The following NPEPL1 variants were observed in gnomAD, a reference collection of about 807,000 sequenced individuals.
NPEPL1 encodes the protein probable aminopeptidase NPEPL1.
A neutral mutation model predicts 52.4 loss-of-function variants in NPEPL1; 45 were observed. The observed-to-expected ratio is 0.86, with a 90% CI of 0.68 to 1.10. The LOEUF (loss-of-function observed/expected upper bound fraction) is 1.10, where lower values mean the gene tolerates loss of function less well. Ranked by LOEUF, NPEPL1 falls within the 50% of genes least tolerant of loss-of-function variation. NPEPL1 has a pLI of 0.00. For synonymous variants in NPEPL1, 360 were observed against 314.7 expected, an observed-to-expected ratio of 1.14 and a Z score of -1.52; for missense variants, 696 against 710.9, an observed-to-expected ratio of 0.98 and a Z score of 0.24.
At chr20:58,701,372 T>TGG (rs1168241468) in intron 6 of NPEPL1, among the ~76,000 whole-genome samples, 9 of 10,892 alleles carry the variant, frequency 8.3e-4, no homozygotes, top group South Asian at 3.4e-3. Flanking sequence ...CAGGGTGCCC[T>TGG]GGGGGGGGGG....
intron 1 of NPEPL1, 135 bp downstream of exon 1, chr20:58,693,185 A>C: frequency 1.7e-6 from 1 of 585,590 alleles, no homozygotes; most frequent in Non-Finnish European, 2.2e-6. Flanking sequence ...CGCCTCCCTG[A>C]AGGGCTCAGC....
chr20:58,715,560 C>A lies in NPEPL1; in HGVS notation c.*234C>A. The A allele has an allele frequency of 2.2e-6, 1 of 457,666 alleles. No individual in the cohort carries two copies. The highest frequency in any genetic ancestry group is 4.3e-5 in the East Asian group (1 of 23,184). The allele number at this position is 457,666 out of a possible 1,614,324, so 28.4% of individuals were successfully genotyped here. A position where few individuals can be genotyped will look rare whatever the true frequency, so the allele number is the denominator to read the frequency against. The stretch of plus-strand genomic sequence containing the variant: ...CTGTTTGTTACTTACAGGACTGAGA[C>A]ATCTTCTGTAAACTGCTACCCCTGG... On this transcript the variant is annotated 3_prime_UTR_variant, in exon 12 of 12. Transcript: ENST00000356091.
chr20:58,703,901 C>T, intron 6 of NPEPL1: 1 of 985,346 alleles, frequency 1.0e-6, no homozygotes, highest in Non-Finnish European at 1.2e-6. Context: ...CTGCCTATTC[C>T]CGGGGTCCAC....
intron 3 of NPEPL1, among the ~76,000 whole-genome samples, chr20:58,698,074 A>C (rs548577966): frequency 6.6e-6 from 1 of 152,330 alleles, no homozygotes; most frequent in African/African-American, 2.4e-5. Flanking sequence ...TCTGTCTTGC[A>C]GGGTTTATGA....
At chr20:58,691,950 C>T (rs2084357668), upstream of NPEPL1, 2 of 728,506 alleles carry the variant, frequency 2.7e-6, no homozygotes, top group Middle Eastern at 3.1e-4. Context: ...CCACTCAAGG[C>T]TCACCCCTGG....
At chr20:58,710,032 C>CTTTTTTT (rs59087368) in intron 7 of NPEPL1, among the ~76,000 whole-genome samples, 2 of 109,440 alleles carry the variant, frequency 1.8e-5, no homozygotes, top group African/African-American at 4.3e-5. Context: ...TTGTTTGTGG[C>CTTTTTTT]TTTTTTTTTT....
intron 6 of NPEPL1, among the ~76,000 whole-genome samples, chr20:58,704,730 T>C (rs2123122326): frequency 6.6e-6 from 1 of 152,378 alleles, no homozygotes; most frequent in South Asian, 2.1e-4. Flanking sequence ...TCACGCATTT[T>C]ATAGTTGAAA....
upstream of NPEPL1, among the ~76,000 whole-genome samples, chr20:58,690,046 T>C (rs2084321611): frequency 6.6e-6 from 1 of 152,258 alleles, no homozygotes; most frequent in Non-Finnish European, 1.5e-5. Context: ...TTAGGTTTTA[T>C]AGGGGTGAAG....
At chr20:58,695,299 AGTGCTAGT>A (rs2084461771) in intron 3 of NPEPL1, among the ~76,000 whole-genome samples, 2 of 146,984 alleles carry the variant, frequency 1.4e-5, no homozygotes, top group Non-Finnish European at 3.0e-5. Flanking sequence ...TGTGTGTATG[AGTGCTAGT>A]GTGTGCATGA....
At chr20:58,704,357 C>T (rs6100173) in intron 6 of NPEPL1, 2 of 985,244 alleles carry the variant, frequency 2.0e-6, no homozygotes, top group African/African-American at 1.7e-5. Context: ...ACTAGCAGGC[C>T]TCAAATGCAT....
At chr20:58,691,709 T>TAA, upstream of NPEPL1, 1 of 710,818 alleles carries the variant, frequency 1.4e-6, no homozygotes, top group Non-Finnish European at 2.2e-6. Flanking sequence ...TTTTTTTTTT[T>TAA]TTTTTCATTT....
Position 58,714,566 on chromosome 20 carries a change from GACA to G in NPEPL1, c.1313_1315del (p.Asn438del), listed in dbSNP as rs1292847021. 2 of 1,582,044 alleles carry G rather than the reference GACA, an allele frequency of 1.3e-6. No homozygotes were observed. Among genetic ancestry groups the G allele is most frequent in the East Asian group, 4.6e-5 (2 of 43,426 alleles). On this transcript the variant is annotated inframe_deletion, in exon 11 of 12. Coordinates refer to ENST00000356091, the MANE Select transcript of NPEPL1 (RefSeq NM_024663.4). ...GTCCTCCTGGCCTCCCTAGGACCGA[GACA>G]ACAGCCCCAGCTCCTGTGCTGGCCT...
chr20:58,694,680 G>C, intron 3 of NPEPL1, 88 bp downstream of exon 3: 1 of 1,368,096 alleles, frequency 7.3e-7, no homozygotes, highest in Non-Finnish European at 9.8e-7. Context: ...AAAGCTTGTT[G>C]CGGGGGCAGG....
chr20:58,714,456 AC>A (rs2084916194), intron 10 of NPEPL1, 103 bp from the exon 11 acceptor site: 1 of 811,890 alleles, frequency 1.2e-6, no homozygotes, highest in Admixed American at 2.8e-5. Flanking sequence ...CCTCCCAGCC[AC>A]CCCGAGCTCC....
At chr20:58,694,015 C>A in intron 2 of NPEPL1, 93 bp downstream of exon 2, 2 of 1,251,326 alleles carry the variant, frequency 1.6e-6, no homozygotes, top group Non-Finnish European at 2.2e-6. Flanking sequence ...CAGACTGCAG[C>A]GCACGCCCAG....
At chr20:58,691,464 C>T (rs1175302571), upstream of NPEPL1, 2 of 635,436 alleles carry the variant, frequency 3.1e-6, no homozygotes, top group Non-Finnish European at 5.7e-6. Context: ...AAAAGACCTG[C>T]CTTCAGGATG....
At chr20:58,706,985 C>T in intron 6 of NPEPL1, 138 bp from the exon 7 acceptor site, 1 of 847,766 alleles carries the variant, frequency 1.2e-6, no homozygotes, top group Non-Finnish European at 1.9e-6. Flanking sequence ...GCCCAGGAGG[C>T]CTGGTGTGGG....
intron 6 of NPEPL1, among the ~76,000 whole-genome samples, chr20:58,702,209 C>T (rs1024068563): frequency 4.6e-5 from 7 of 152,252 alleles, no homozygotes; most frequent in African/African-American, 9.6e-5. Flanking sequence ...CCTGGATTTC[C>T]GGCCTTTTGT....
Position 58,714,659 on chromosome 20 carries a change from C to G in NPEPL1, c.1402C>G (p.Pro468Ala), listed in dbSNP as rs974493834. The G allele has an allele frequency of 6.3e-7, 1 of 1,590,880 alleles. No homozygotes were observed. The highest frequency in any genetic ancestry group is 1.3e-5 in the African/African-American group (1 of 74,590). The change falls in exon 11 of 12, where the codon CCG (proline) becomes GCG (alanine). Residue 468 changes from proline to alanine, a missense_variant. Physicochemically the swap from Pro to Ala is conservative, Grantham distance 27. Coordinates refer to ENST00000356091, the MANE Select transcript of NPEPL1 (RefSeq NM_024663.4). ...GVWVHLDIAA[P>A]VHAGERATGF... ...CTGGGTCCACCTGGACATTGCTGCA[C>G]CGGTGCATGCTGTGAGTGTCTCCCC...
Sources: allele counts gnomAD v4.1 joint callset (sites outside exome capture counted in the v4.1 genomes callset), GRCh38; gene constraint gnomAD v4.1.1; transcripts MANE v1.5; gene names NCBI Gene and HGNC (gene_info 2026-07-23, HGNC 2026-07-21).